The following ASIC2 variants were observed in gnomAD, a reference collection of about 807,000 sequenced individuals.
ASIC2 encodes acid-sensing ion channel 2.
ASIC2 carries 25 observed loss-of-function variants against 57.3 expected under a neutral mutation model. The observed-to-expected ratio is 0.44, with a 90% CI of 0.32 to 0.61. ASIC2 has a LOEUF of 0.61. ASIC2 is among the 20% of genes least tolerant of loss of function. The pLI, the probability that ASIC2 is intolerant of heterozygous loss-of-function variation, is 0.06. For synonymous variants in ASIC2, 319 were observed against 307.5 expected (o/e 1.04, Z -0.39); for missense variants, 641 against 738.1 (o/e 0.87, Z 1.52).
chr17:33,115,318 T>C (rs1319546195), intron 1 of ASIC2, among the ~76,000 whole-genome samples: 1 of 152,068 alleles, frequency 6.6e-6, no homozygotes, highest in Non-Finnish European at 1.5e-5. Context: ...GGTGGCCAAG[T>C]GACAATCTAT....
intron 1 of ASIC2, among the ~76,000 whole-genome samples, chr17:33,849,087 A>G (rs1286448251): frequency 6.6e-6 from 1 of 152,248 alleles, no homozygotes; most frequent in South Asian, 2.1e-4. Context: ...AGTCCAAAGT[A>G]GAACTTGAAT....
At chr17:33,273,934 C>T (rs947287451) in intron 1 of ASIC2, among the ~76,000 whole-genome samples, 11 of 152,186 alleles carry the variant, frequency 7.2e-5, no homozygotes, top group South Asian at 2.1e-4. Flanking sequence ...CAAGTTCTGC[C>T]TGGTCATCAT....
chr17:33,280,715 C>T lies in ASIC2; in HGVS notation c.708+10693G>A, dbSNP rs62067933. Among the ~76,000 whole-genome samples, 515 of 152,354 alleles carry T rather than the reference C, an allele frequency of 3.4e-3. 1 individual carries two copies. Among genetic ancestry groups the T allele is most frequent in the Non-Finnish European group, 4.3e-3 (293 of 68,032 alleles). Reference sequence around the variant, plus strand: ...AATAAATGGTAATAAAGTGAATCAACATGCGTCTCACTCCAGAGCCTTTGA... The same window carrying T: ...AATAAATGGTAATAAAGTGAATCAATATGCGTCTCACTCCAGAGCCTTTGA... On this transcript the variant is annotated intron_variant, in intron 1 of 9. Transcript: ENST00000225823.
At chr17:33,325,045 G>T (rs544535452) in intron 1 of ASIC2, among the ~76,000 whole-genome samples, 2 of 152,172 alleles carry the variant, frequency 1.3e-5, no homozygotes, top group African/African-American at 2.4e-5. Flanking sequence ...GATGCTTTCC[G>T]CCTGACATGC....
chr17:33,062,937 G>T (rs35896058), intron 3 of ASIC2, among the ~76,000 whole-genome samples: 1 of 151,926 alleles, frequency 6.6e-6, no homozygotes, highest in Non-Finnish European at 1.5e-5. Context: ...TGTCTCTTTT[G>T]ATCTTTGTTG....
chr17:33,503,663 G>A (rs895117777), intron 1 of ASIC2, among the ~76,000 whole-genome samples: 2 of 152,186 alleles, frequency 1.3e-5, no homozygotes, highest in Non-Finnish European at 2.9e-5. Flanking sequence ...AGCTCAGTGA[G>A]TGGTTGGATT....
chr17:33,199,377 C>A (rs893784195), intron 1 of ASIC2, among the ~76,000 whole-genome samples: 3 of 152,146 alleles, frequency 2.0e-5, no homozygotes, highest in Admixed American at 6.5e-5. Context: ...GTGCTCTTGG[C>A]AGGTGGGAAA....
chr17:33,170,772 T>C (rs1905484584), intron 1 of ASIC2, among the ~76,000 whole-genome samples: 1 of 152,216 alleles, frequency 6.6e-6, no homozygotes, highest in Admixed American at 6.5e-5. Context: ...GCCCAAGCCC[T>C]CATCAGACAC....
chr17:33,357,527 A>T (rs1230063715), intron 1 of ASIC2, among the ~76,000 whole-genome samples: 1 of 152,170 alleles, frequency 6.6e-6, no homozygotes, highest in Non-Finnish European at 1.5e-5. Context: ...CTCCCTGGGC[A>T]CCCAGCTAGA....
rs763326161 is a variant in ASIC2 at position 33,417,707 on chromosome 17, CT to C, written c.556-305641del. ...CATGCCTCTTCCAATGTTTCCGCCC[CT>C]CTGCACATTCCCCTCCTAACTCACC... is the stretch of plus-strand genomic sequence containing the variant. On this transcript the variant is annotated intron_variant, in intron 1 of 9. Coordinates refer to the ASIC2 transcript ENST00000359872. Among the ~76,000 whole-genome samples the C allele has an allele frequency of 3.5e-4, 53 of 152,202 alleles. 1 individual carries two copies. The highest frequency in any genetic ancestry group is 2.9e-5 in the Non-Finnish European group (2 of 68,036).
At position 33,776,100 on chromosome 17, in the gene ASIC2, T is replaced by C. The variant is rs560010211; in HGVS notation, c.555+379878A>G. 6.5e-5 allele frequency among the ~76,000 whole-genome samples: 9 copies of C among 137,460 alleles called. No individual in the cohort carries two copies. The South Asian group carries it at 2.1e-3, about 32-fold the overall frequency. 90.2% of individuals were successfully genotyped at this position (137,460 alleles called of 152,430 possible). A position where few individuals can be genotyped will look rare whatever the true frequency, so the allele number is the denominator to read the frequency against. ...GTGAGTCAAGATCATGCCACTACAC[T>C]CCAGCTTATGTGACACAGCAAGACT... is the stretch of plus-strand genomic sequence containing the variant. On this transcript the variant is annotated intron_variant, in intron 1 of 9. Coordinates refer to the ASIC2 transcript ENST00000359872.
intron 1 of ASIC2, among the ~76,000 whole-genome samples, chr17:34,085,585 A>G (rs1214581208): frequency 5.3e-5 from 8 of 152,142 alleles, no homozygotes. Context: ...CTCTTTTTCT[A>G]TTGATTGGAA....
chr17:33,143,034 A>ATCATGGGTCCCAGGGTG (rs1904387953), intron 1 of ASIC2, among the ~76,000 whole-genome samples: 1 of 152,208 alleles, frequency 6.6e-6, no homozygotes, highest in Admixed American at 6.5e-5. Flanking sequence ...CTGCGAGAAG[A>ATCATGGGTCCCAGGGTG]AAACATGGGT....
chr17:33,852,334 AACCTTCACCATTGGCTTCAGGATC>A (rs1488078050), intron 1 of ASIC2, among the ~76,000 whole-genome samples: 3 of 152,166 alleles, frequency 2.0e-5, no homozygotes, highest in African/African-American at 7.2e-5. Flanking sequence ...GCATGAGCTA[AACCTTCACCATTGGCTTCAGGATC>A]ACCTTACGTC....
intron 1 of ASIC2, among the ~76,000 whole-genome samples, chr17:33,267,874 T>A (rs1567804472): frequency 1.3e-5 from 2 of 152,170 alleles, no homozygotes; most frequent in Admixed American, 6.5e-5. Flanking sequence ...AACTGAAGAT[T>A]ACCCATTCCC....
chr17:33,120,174 G>C (rs9914604), intron 1 of ASIC2, among the ~76,000 whole-genome samples: 5,139 of 152,248 alleles, frequency 0.034, 322 homozygotes, highest in African/African-American at 0.12. Context: ...ATATGGTAAC[G>C]TGACCCCCTT....
At chr17:33,523,508 C>T (rs182408645) in intron 1 of ASIC2, among the ~76,000 whole-genome samples, 7 of 152,248 alleles carry the variant, frequency 4.6e-5, no homozygotes, top group African/African-American at 7.2e-5. Context: ...ATCCACCCAC[C>T]GGGACTCCCA....
chr17:33,045,302 T>C (rs2091948958), intron 3 of ASIC2, among the ~76,000 whole-genome samples: 1 of 152,198 alleles, frequency 6.6e-6, no homozygotes, highest in Non-Finnish European at 1.5e-5. Flanking sequence ...GAAGAGTGTT[T>C]TCAGTGTGCC....
intron 4 of ASIC2, among the ~76,000 whole-genome samples, chr17:33,026,671 T>C (rs953085222): frequency 6.6e-6 from 1 of 152,206 alleles, no homozygotes; most frequent in African/African-American, 2.4e-5. Flanking sequence ...TAAGGGTTGG[T>C]GGGGAAAACC....
Sources: gnomAD v4.1 joint callset for allele counts (sites outside exome capture counted in the v4.1 genomes callset) on GRCh38, gnomAD v4.1.1 for gene constraint, MANE v1.5 for transcripts, NCBI Gene and HGNC (gene_info 2026-07-23, HGNC 2026-07-21) for gene names.